Variants in ARHGAP20 observed in about 807,000 individuals in gnomAD.
ARHGAP20 encodes the protein Rho GTPase activating protein 20, also known as rho GTPase-activating protein 20.
In ARHGAP20, 34 loss-of-function variants were observed where a neutral mutation model predicts 73.7. That is an observed-to-expected ratio of 0.46 (90% CI 0.35 to 0.61). The LOEUF (loss-of-function observed/expected upper bound fraction) is 0.61, where lower values mean the gene tolerates loss of function less well. Among genes scored for constraint, ARHGAP20 ranks in the 20% least tolerant of loss-of-function variants. The probability of loss-of-function intolerance (pLI) is 0.00; values close to 1 mark genes in which losing one functional copy is unlikely to be tolerated. For missense variants in ARHGAP20, 1,314 were observed against 1,420.9 expected, an observed-to-expected ratio of 0.92 and a Z score of 1.21; for synonymous variants, 523 against 518.2, an observed-to-expected ratio of 1.01 and a Z score of -0.13.
intron 1 of ARHGAP20, among the ~76,000 whole-genome samples, chr11:110,697,990 C>G (rs890242218): frequency 1.3e-5 from 2 of 151,602 alleles, no homozygotes; most frequent in Non-Finnish European, 3.0e-5. Context: ...AGAGACTGCA[C>G]TGACTCTGTA....
At chr11:110,663,193 G>A (rs1055181094) in intron 2 of ARHGAP20, among the ~76,000 whole-genome samples, 1 of 151,114 alleles carries the variant, frequency 6.6e-6, no homozygotes, top group South Asian at 2.1e-4. Flanking sequence ...ATATCAGAGT[G>A]GAAATCAATG....
In ARHGAP20 at chr11:110,712,235, G is replaced by A; in HGVS notation, c.-4C>T. ...GCTGGGGGGACATCGCTTCCATGAA[G>A]AAAATCTTCAAACAAATCCCAGCCC... On this transcript the variant is annotated 5_prime_UTR_variant, in exon 1 of 15. Coordinates refer to ENST00000683387, the MANE Select transcript of ARHGAP20 (RefSeq NM_001384657.1). 1 of 1,343,240 alleles carries A rather than the reference G, an allele frequency of 7.4e-7. No individual in the cohort carries two copies. The highest frequency in any genetic ancestry group is 9.6e-7 in the Non-Finnish European group (1 of 1,038,598). 83.2% of individuals were successfully genotyped at this position (1,343,240 alleles called of 1,614,324 possible).
intron 3 of ARHGAP20, among the ~76,000 whole-genome samples, chr11:110,627,896 A>C (rs2134947271): frequency 6.6e-6 from 1 of 152,356 alleles, no homozygotes; most frequent in African/African-American, 2.4e-5. Context: ...TTGCAAATGC[A>C]TATCAAAAGT....
intron 2 of ARHGAP20, among the ~76,000 whole-genome samples, chr11:110,641,073 A>C (rs955225410): frequency 2.0e-5 from 3 of 152,058 alleles, no homozygotes; most frequent in Admixed American, 2.0e-4. Context: ...GCAAGGGCTT[A>C]AAAGCAAGAA....
intron 2 of ARHGAP20, among the ~76,000 whole-genome samples, chr11:110,677,532 C>G (rs1269089043): frequency 6.6e-6 from 1 of 152,082 alleles, no homozygotes; most frequent in Admixed American, 6.5e-5. Flanking sequence ...GTGGTCCTAG[C>G]TACTCAGGAG....
At chr11:110,620,241 T>A (rs1948600141) in intron 4 of ARHGAP20, among the ~76,000 whole-genome samples, 1 of 152,008 alleles carries the variant, frequency 6.6e-6, no homozygotes, top group Non-Finnish European at 1.5e-5. Flanking sequence ...TGCCCAGGTC[T>A]ATGGCCTCAA....
At chr11:110,645,357 T>C (rs1347052799) in intron 2 of ARHGAP20, among the ~76,000 whole-genome samples, 2 of 152,046 alleles carry the variant, frequency 1.3e-5, no homozygotes, top group Admixed American at 6.6e-5. Context: ...CACAGACATA[T>C]TTTTTAAAAT....
rs1446428109 is a variant in ARHGAP20, at chr11:110,578,324, C to G, written c.*1046G>C. 3 of 985,302 alleles carry G rather than the reference C, an allele frequency of 3.0e-6. No homozygotes were observed. In the Admixed American group the frequency reaches 1.8e-4, roughly 61 times the overall value. The allele number at this position is 985,302 out of a possible 1,614,324, so 61.0% of individuals were successfully genotyped here. On this transcript the variant is annotated 3_prime_UTR_variant, in exon 15 of 15. Transcript: ENST00000683387. ...GTGGGACTCCTTATAACCGGCCAACCTCAATATTGCTCTCTCAATTGCCAA... is the reference window on the plus strand; with the variant it reads ...GTGGGACTCCTTATAACCGGCCAACGTCAATATTGCTCTCTCAATTGCCAA...
Position 110,577,230 on chromosome 11 carries a change from G to C in ARHGAP20, c.*2140C>G. 1 of 1,496,644 alleles carries C rather than the reference G, an allele frequency of 6.7e-7. No individual in the cohort carries two copies. The highest frequency in any genetic ancestry group is 8.9e-7 in the Non-Finnish European group (1 of 1,122,690). The allele number at this position is 1,496,644 out of a possible 1,614,324, so 92.7% of individuals were successfully genotyped here. A position where few individuals can be genotyped will look rare whatever the true frequency, so the allele number is the denominator to read the frequency against. Reference sequence around the variant, plus strand: ...TCAAGATATATTATACAAACTCAAAGCATTTTAGATAAAGCATCAGTCTAA... The same window carrying C: ...TCAAGATATATTATACAAACTCAAACCATTTTAGATAAAGCATCAGTCTAA... On this transcript the variant is annotated 3_prime_UTR_variant, in exon 15 of 15. Transcript: ENST00000683387.
chr11:110,663,971 T>C (rs1192883054), intron 2 of ARHGAP20, among the ~76,000 whole-genome samples: 1 of 152,166 alleles, frequency 6.6e-6, no homozygotes, highest in Non-Finnish European at 1.5e-5. Flanking sequence ...ATAATTCACA[T>C]AGTACAAATT....
intron 2 of ARHGAP20, among the ~76,000 whole-genome samples, chr11:110,677,499 G>T (rs1001224169): frequency 6.6e-6 from 1 of 151,864 alleles, no homozygotes; most frequent in African/African-American, 2.4e-5. Context: ...ACAAAAATTA[G>T]CCAGGTGTGG....
intron 2 of ARHGAP20, among the ~76,000 whole-genome samples, chr11:110,644,478 A>T (rs1330928161): frequency 6.6e-6 from 1 of 152,178 alleles, no homozygotes; most frequent in African/African-American, 2.4e-5. Flanking sequence ...ATGGAACAGA[A>T]TAGAGAGCTC....
chr11:110,679,710 C>T (rs1046367369), intron 2 of ARHGAP20, among the ~76,000 whole-genome samples: 5 of 152,118 alleles, frequency 3.3e-5, no homozygotes, highest in Admixed American at 2.0e-4. Flanking sequence ...GGGAAAAAGT[C>T]CCAGTCATGG....
At chr11:110,709,728 G>A (rs976089176) in intron 1 of ARHGAP20, among the ~76,000 whole-genome samples, 1 of 152,308 alleles carries the variant, frequency 6.6e-6, no homozygotes, top group South Asian at 2.1e-4. Context: ...ACAAACAAGG[G>A]GGGGATGCAT....
chr11:110,660,061 CAAAAAAA>C (rs746439426), intron 2 of ARHGAP20, among the ~76,000 whole-genome samples: 9 of 69,266 alleles, frequency 1.3e-4, no homozygotes, highest in South Asian at 5.5e-4. Flanking sequence ...TAATAAAAAA[CAAAAAAA>C]AAAAAAAAAA....
chr11:110,626,838 A>C (rs2134943430), intron 3 of ARHGAP20, among the ~76,000 whole-genome samples: 1 of 152,204 alleles, frequency 6.6e-6, no homozygotes, highest in Non-Finnish European at 1.5e-5. Flanking sequence ...AGCTAGATGG[A>C]CTAGTTTGAA....
At chr11:110,683,758 C>T (rs2135099957) in intron 2 of ARHGAP20, among the ~76,000 whole-genome samples, 1 of 152,214 alleles carries the variant, frequency 6.6e-6, no homozygotes, top group Non-Finnish European at 1.5e-5. Context: ...GAAACTGAGG[C>T]TTGGAGTAAC....
chr11:110,603,745 T>C (rs1351726075), intron 9 of ARHGAP20, among the ~76,000 whole-genome samples: 1 of 152,062 alleles, frequency 6.6e-6, no homozygotes, highest in Non-Finnish European at 1.5e-5. Context: ...AAGGCAAATA[T>C]CAAGAGAAGA....
At chr11:110,662,384 T>C (rs965796044) in intron 2 of ARHGAP20, among the ~76,000 whole-genome samples, 4 of 151,850 alleles carry the variant, frequency 2.6e-5, no homozygotes, top group African/African-American at 7.2e-5. Context: ...TGTGTCCAGT[T>C]GGTAGCATAA....
Sources: allele counts gnomAD v4.1 joint callset (sites outside exome capture counted in the v4.1 genomes callset), GRCh38; gene constraint gnomAD v4.1.1; transcripts MANE v1.5; gene names NCBI Gene and HGNC (gene_info 2026-07-23, HGNC 2026-07-21).